Variants in ATF2 observed in about 807,000 individuals in gnomAD.
ATF2 encodes activating transcription factor 2, also known as cyclic AMP-dependent transcription factor ATF-2.
ATF2 carries 24 observed loss-of-function variants against 60.6 expected under a neutral mutation model. The observed-to-expected ratio is 0.40, with a 90% CI of 0.29 to 0.56. ATF2 has a LOEUF of 0.56. Ranked by LOEUF, ATF2 falls within the 20% of genes least tolerant of loss-of-function variation. ATF2 has a pLI of 0.54. For missense variants in ATF2, 433 were observed against 607.7 expected (o/e 0.71, Z 3.02); for synonymous variants, 206 against 215.4 (o/e 0.96, Z 0.38).
intron 1 of ATF2, among the ~76,000 whole-genome samples, chr2:175,163,119 G>A (rs1407781034): frequency 6.6e-6 from 1 of 151,400 alleles, no homozygotes; most frequent in Non-Finnish European, 1.5e-5. Flanking sequence ...GGGCAACAGA[G>A]CGAGACTCTG....
At chr2:175,091,534 T>C (rs1326659334) in intron 12 of ATF2, among the ~76,000 whole-genome samples, 1 of 152,204 alleles carries the variant, frequency 6.6e-6, no homozygotes, top group East Asian at 1.9e-4. Context: ...TAGAAATGTT[T>C]TCTAAAAATT....
At chr2:175,101,335 G>C (rs943676504) in intron 10 of ATF2, among the ~76,000 whole-genome samples, 1 of 152,262 alleles carries the variant, frequency 6.6e-6, no homozygotes, top group African/African-American at 2.4e-5. Flanking sequence ...CAAAGGGAGA[G>C]AGTCTTGGGA....
At chr2:175,128,815 ACTC>A (rs1173271313) in intron 4 of ATF2, among the ~76,000 whole-genome samples, 3 of 152,138 alleles carry the variant, frequency 2.0e-5, no homozygotes, top group Non-Finnish European at 4.4e-5. Context: ...TATATAAAGA[ACTC>A]CTACAACTCA....
chr2:175,151,569 G>A (rs151121463), intron 1 of ATF2, among the ~76,000 whole-genome samples: 1 of 152,168 alleles, frequency 6.6e-6, no homozygotes. Flanking sequence ...TTATGTCATT[G>A]CTGCACAATA....
intron 2 of ATF2, among the ~76,000 whole-genome samples, chr2:175,146,813 T>C (rs982723528): frequency 2.0e-5 from 3 of 152,148 alleles, no homozygotes; most frequent in Admixed American, 6.5e-5. Context: ...AAAAATAGCA[T>C]GTATAGGGCT....
chr2:175,108,318 A>G (rs1366159423), intron 10 of ATF2, among the ~76,000 whole-genome samples: 1 of 146,916 alleles, frequency 6.8e-6, no homozygotes, highest in Admixed American at 6.7e-5. Context: ...TCCGGGAGGG[A>G]GGTGGGGGGT....
At chr2:175,092,956 A>G (rs1410845594) in intron 12 of ATF2, 105 bp downstream of exon 12, 2 of 1,160,238 alleles carry the variant, frequency 1.7e-6, no homozygotes, top group Admixed American at 2.2e-5. Context: ...ATACACACCC[A>G]ATATCATGTC....
At chr2:175,143,892 T>C (rs7557434) in intron 2 of ATF2, among the ~76,000 whole-genome samples, 39,566 of 151,940 alleles carry the variant, frequency 0.26, 6,099 homozygotes, top group African/African-American at 0.44. Context: ...TTCTCAGACT[T>C]GAGCAATCCT....
intron 1 of ATF2, among the ~76,000 whole-genome samples, chr2:175,165,552 T>G (rs2105383079): frequency 6.6e-6 from 1 of 152,390 alleles, no homozygotes; most frequent in East Asian, 1.9e-4. Context: ...TAATGCTACT[T>G]ACAGATAGAT....
intron 12 of ATF2, among the ~76,000 whole-genome samples, chr2:175,084,010 T>G (rs868359881): frequency 2.0e-5 from 3 of 152,104 alleles, no homozygotes; most frequent in African/African-American, 4.8e-5. Context: ...CTGGAGAGGA[T>G]ATGGAGAAAT....
chr2:175,120,792 G>A (rs1453393685), intron 5 of ATF2, among the ~76,000 whole-genome samples: 2 of 151,616 alleles, frequency 1.3e-5, no homozygotes, highest in Non-Finnish European at 3.0e-5. Context: ...ATGTGTGTGT[G>A]TATATATTTA....
rs1200763204 is a variant in ATF2, at chr2:175,136,504, T to C, written c.-43-18A>G. ...CAAGAATACTGAAAAACAAAGTGGT[T>C]TCACACTGTTAAAAATAGTTCTGAA... On this transcript the variant is annotated intron_variant, in intron 2 of 13. Coordinates refer to ENST00000264110, the MANE Select transcript of ATF2 (RefSeq NM_001880.4). The C allele has an allele frequency of 6.9e-7, 1 of 1,457,888 alleles. No homozygotes were observed. Among genetic ancestry groups the C allele is most frequent in the African/African-American group, 1.4e-5 (1 of 70,584 alleles). 90.3% of individuals were successfully genotyped at this position (1,457,888 alleles called of 1,614,324 possible).
rs1161734591 is a variant in ATF2 at position 175,073,168 on chromosome 2, TTTTATG to T, written c.*1435_*1440del. The T allele has an allele frequency of 1.3e-5, 2 of 152,198 alleles. No individual in the cohort carries two copies. Among genetic ancestry groups the T allele is most frequent in the Non-Finnish European group, 2.9e-5 (2 of 68,032 alleles). The allele number at this position is 152,198 out of a possible 1,614,324, so 9.4% of individuals were successfully genotyped here. ...TTACGCACATCTACTACTTTTAAAA[TTTTATG>T]TTTAACAATTTATTCTATTTTAAAA... is the stretch of plus-strand genomic sequence containing the variant. On this transcript the variant is annotated 3_prime_UTR_variant, in exon 14 of 14. Transcript: ENST00000264110.
At chr2:175,099,537 C>G (rs1695172733) in intron 10 of ATF2, among the ~76,000 whole-genome samples, 1 of 152,184 alleles carries the variant, frequency 6.6e-6, no homozygotes, top group South Asian at 2.1e-4. Flanking sequence ...CTGGAAACGA[C>G]TGATCTGTTT....
chr2:175,155,563 G>A (rs912632474), intron 1 of ATF2, among the ~76,000 whole-genome samples: 2 of 152,178 alleles, frequency 1.3e-5, no homozygotes, highest in African/African-American at 4.8e-5. Context: ...ATTGTCCAGA[G>A]AGGGAGTTCC....
chr2:175,114,363 C>T, intron 8 of ATF2: 1 of 1,256,734 alleles, frequency 8.0e-7, no homozygotes, highest in African/African-American at 1.6e-5. Flanking sequence ...GAAAAACTGT[C>T]ATCAGAGAGC....
chr2:175,159,084 A>C (rs1230789813), intron 1 of ATF2, among the ~76,000 whole-genome samples: 1 of 152,104 alleles, frequency 6.6e-6, no homozygotes, highest in Non-Finnish European at 1.5e-5. Context: ...TTGGGAGGCC[A>C]AGGTAGGCAG....
intron 10 of ATF2, among the ~76,000 whole-genome samples, chr2:175,108,174 C>T (rs929843294): frequency 3.3e-5 from 5 of 152,016 alleles, no homozygotes; most frequent in Non-Finnish European, 7.4e-5. Flanking sequence ...CGCCTCTGCC[C>T]GGCCGCGACC....
intron 10 of ATF2, among the ~76,000 whole-genome samples, chr2:175,108,570 G>C (rs1189087054): frequency 6.7e-6 from 1 of 149,206 alleles, no homozygotes; most frequent in Non-Finnish European, 1.5e-5. Context: ...GGGCGCCTCC[G>C]CCCGGCCAGC....
Sources: gnomAD v4.1 joint callset for allele counts (sites outside exome capture counted in the v4.1 genomes callset) on GRCh38, gnomAD v4.1.1 for gene constraint, MANE v1.5 for transcripts, NCBI Gene and HGNC (gene_info 2026-07-23, HGNC 2026-07-21) for gene names.